The following CPM variants were observed in gnomAD, a reference collection of about 807,000 sequenced individuals.
CPM encodes the protein carboxypeptidase M, also known as renal carboxypeptidase.
A neutral mutation model predicts 46.4 loss-of-function variants in CPM; 35 were observed. The ratio of observed to expected loss-of-function variants is 0.75; its 90% CI spans 0.58 to 1.00. CPM has a LOEUF of 1.00. Ranked by LOEUF, CPM falls within the 50% of genes least tolerant of loss-of-function variation. The pLI is 0.00. For missense variants in CPM, 422 were observed against 530.4 expected (o/e 0.80, Z 2.01); for synonymous variants, 195 against 195.3 (o/e 1.00, Z 0.01).
At chr12:68,958,972 G>T (rs1889069678) in intron 1 of CPM, among the ~76,000 whole-genome samples, 1 of 152,030 alleles carries the variant, frequency 6.6e-6, no homozygotes, top group South Asian at 2.1e-4. Flanking sequence ...TTCTTATTCG[G>T]GTTTCAACTT....
At chr12:68,962,320 T>A (rs1250200517) in intron 1 of CPM, among the ~76,000 whole-genome samples, 2 of 152,138 alleles carry the variant, frequency 1.3e-5, no homozygotes, top group African/African-American at 4.8e-5. Context: ...TGTGTCACTG[T>A]TGGGACATGG....
chr12:68,939,638 G>C (rs187202427), intron 1 of CPM, among the ~76,000 whole-genome samples: 9 of 152,032 alleles, frequency 5.9e-5, no homozygotes, highest in Admixed American at 4.6e-4. Context: ...CTGTAATAAC[G>C]AGTCAGGATT....
chr12:68,893,571 TGA>T (rs1886745531), intron 2 of CPM, among the ~76,000 whole-genome samples: 1 of 152,188 alleles, frequency 6.6e-6, no homozygotes, highest in Admixed American at 6.5e-5. Flanking sequence ...TCTGAAGTAA[TGA>T]AGGGGCTGGG....
chr12:68,955,998 G>T (rs577434775), intron 1 of CPM, among the ~76,000 whole-genome samples: 43 of 152,266 alleles, frequency 2.8e-4, no homozygotes, highest in African/African-American at 1.0e-3. Flanking sequence ...CCACCCAGGA[G>T]CCTGTCTGCC....
intron 5 of CPM, 63 bp downstream of exon 5, chr12:68,870,152 G>T: frequency 6.6e-7 from 1 of 1,510,046 alleles, no homozygotes; most frequent in Non-Finnish European, 9.0e-7. Context: ...CCCATCCAGA[G>T]GCAGAGAGTT....
chr12:68,892,237 A>G (rs1371997400), intron 2 of CPM, among the ~76,000 whole-genome samples: 1 of 152,072 alleles, frequency 6.6e-6, no homozygotes, highest in African/African-American at 2.4e-5. Flanking sequence ...AACAAAAGAA[A>G]CGTGAACGTG....
rs554414543 is a variant in CPM at position 68,864,818 on chromosome 12, C to T, written c.940+2078G>A. Among the ~76,000 whole-genome samples the T allele has an allele frequency of 7.9e-5, 12 of 152,028 alleles. No homozygotes were observed. The Middle Eastern group carries it at 0.014, about 172-fold the overall frequency. On this transcript the variant is annotated intron_variant, in intron 7 of 8. Coordinates refer to ENST00000551568, the MANE Select transcript of CPM (RefSeq NM_198320.5). ...CTTGAGCCCAGGAGTTTGGGACTCA[C>T]CTGGACAACATAGCAAGATTCTGTC... is the stretch of plus-strand genomic sequence containing the variant.
At chr12:68,889,063 C>T (rs1886548057) in intron 2 of CPM, among the ~76,000 whole-genome samples, 1 of 152,118 alleles carries the variant, frequency 6.6e-6, no homozygotes, top group Non-Finnish European at 1.5e-5. Context: ...ATTCCTGAGC[C>T]CCAGTCTCAG....
Position 68,932,719 on chromosome 12 carries a change from C to A in CPM, c.119G>T (p.Ser40Ile). 1 of 1,614,184 alleles carries A rather than the reference C, an allele frequency of 6.2e-7. No homozygotes were observed. The highest frequency in any genetic ancestry group is 8.5e-7 in the Non-Finnish European group (1 of 1,180,018). Residue 40 changes from serine to isoleucine, a missense_variant, in exon 2 of 9, where the codon AGT (serine) becomes ATT (isoleucine). Coordinates refer to ENST00000551568, the MANE Select transcript of CPM (RefSeq NM_198320.5). ...AATACTGTGTAAGTGAGTGACAGAA[C>A]TGTAGTTTTGGGCAACAGTCTTCAA... ...AFLKTVAQNY[S>I]SVTHLHSIGK...
At chr12:68,947,516 G>T (rs1376294255) in intron 1 of CPM, among the ~76,000 whole-genome samples, 1 of 151,754 alleles carries the variant, frequency 6.6e-6, no homozygotes, top group Non-Finnish European at 1.5e-5. Flanking sequence ...AGAATCACTT[G>T]AACCTGGGAG....
chr12:68,922,848 G>A (rs1888092509), intron 2 of CPM, among the ~76,000 whole-genome samples: 1 of 152,136 alleles, frequency 6.6e-6, no homozygotes, highest in Non-Finnish European at 1.5e-5. Context: ...CTACTATACA[G>A]TATTACATTT....
At chr12:68,932,927 A>G in intron 1 of CPM, 87 bp from the exon 2 acceptor site, 1 of 1,274,946 alleles carries the variant, frequency 7.8e-7, no homozygotes, top group Non-Finnish European at 1.1e-6. Context: ...CTCCGGTCTC[A>G]GGGTCTCCCG....
At chr12:68,892,768 A>G (rs899107116) in intron 2 of CPM, among the ~76,000 whole-genome samples, 1 of 152,160 alleles carries the variant, frequency 6.6e-6, no homozygotes, top group African/African-American at 2.4e-5. Context: ...CTGAGGCTGA[A>G]GAATCCCTTG....
chr12:68,890,973 C>T (rs974872750), intron 2 of CPM, among the ~76,000 whole-genome samples: 1 of 152,224 alleles, frequency 6.6e-6, no homozygotes, highest in Admixed American at 6.5e-5. Context: ...AATAGATCAG[C>T]TGGTTTCCCA....
chr12:68,946,733 G>C (rs1284334492), intron 1 of CPM, among the ~76,000 whole-genome samples: 2 of 152,204 alleles, frequency 1.3e-5, no homozygotes, highest in East Asian at 3.8e-4. Flanking sequence ...AAAGAAAACA[G>C]ATGCTTACTG....
intron 1 of CPM, among the ~76,000 whole-genome samples, chr12:68,960,517 G>A (rs1889093172): frequency 6.6e-6 from 1 of 152,070 alleles, no homozygotes; most frequent in Non-Finnish European, 1.5e-5. Context: ...AAATAGCTAC[G>A]CTGAATCTTG....
chr12:68,871,700 TC>T (rs1473082281), intron 4 of CPM, 83 bp downstream of exon 4: 1 of 1,434,392 alleles, frequency 7.0e-7, no homozygotes, highest in Non-Finnish European at 9.7e-7. Context: ...ATGACACATC[TC>T]CTCTTGCCAA....
At chr12:68,935,144 G>A (rs1156717108), upstream of CPM, among the ~76,000 whole-genome samples, 5 of 151,718 alleles carry the variant, frequency 3.3e-5, no homozygotes, top group Admixed American at 6.6e-5. Context: ...TCCCGACCTC[G>A]GGCGATCTGC....
At chr12:68,910,336 A>C (rs1310508141) in intron 2 of CPM, among the ~76,000 whole-genome samples, 1 of 152,210 alleles carries the variant, frequency 6.6e-6, no homozygotes. Context: ...AAGTTGCATA[A>C]TGACATTTAC....
Sources: allele counts gnomAD v4.1 joint callset (sites outside exome capture counted in the v4.1 genomes callset), GRCh38; gene constraint gnomAD v4.1.1; transcripts MANE v1.5; gene names NCBI Gene and HGNC (gene_info 2026-07-23, HGNC 2026-07-21).